The following MACROD1 variants were observed in gnomAD, a reference collection of about 807,000 sequenced individuals.
MACROD1 encodes the protein ADP-ribose glycohydrolase MACROD1.
Under a neutral mutation model 41.4 loss-of-function variants are expected in MACROD1, and 31 were observed. The ratio of observed to expected loss-of-function variants is 0.75; its 90% confidence interval spans 0.56 to 1.01. The LOEUF is 1.01. Among genes scored for constraint, MACROD1 ranks in the 50% least tolerant of loss-of-function variants. The pLI is 0.00. For synonymous variants in MACROD1, 252 were observed against 203.4 expected, an observed-to-expected ratio of 1.24 and a Z score of -2.03; for missense variants, 473 against 460.0, an observed-to-expected ratio of 1.03 and a Z score of -0.26.
chr11:64,047,922 A>T (rs1943615906), intron 3 of MACROD1, among the ~76,000 whole-genome samples: 1 of 148,224 alleles, frequency 6.7e-6, no homozygotes, highest in Non-Finnish European at 1.5e-5. Context: ...AAAAGGAAGG[A>T]AGCAGGAAAG....
intron 3 of MACROD1, among the ~76,000 whole-genome samples, chr11:64,094,258 G>T (rs370033552): frequency 6.6e-6 from 1 of 152,078 alleles, no homozygotes; most frequent in Non-Finnish European, 1.5e-5. Flanking sequence ...GTAAAACCAC[G>T]TCTCTACTAA....
intron 3 of MACROD1, among the ~76,000 whole-genome samples, chr11:64,016,192 G>A (rs1488079685): frequency 6.6e-6 from 1 of 152,190 alleles, no homozygotes; most frequent in Non-Finnish European, 1.5e-5. Context: ...CAGCTGACAC[G>A]GGGGCAAAGT....
chr11:64,012,884 G>T (rs1420739048), intron 4 of MACROD1, among the ~76,000 whole-genome samples: 2 of 152,128 alleles, frequency 1.3e-5, no homozygotes, highest in African/African-American at 4.8e-5. Context: ...CACCCTGGCT[G>T]GAGGGCAGTG....
chr11:64,136,197 C>G (rs1945329991), intron 3 of MACROD1, among the ~76,000 whole-genome samples: 1 of 152,212 alleles, frequency 6.6e-6, no homozygotes, highest in African/African-American at 2.4e-5. Context: ...GGGCTGTCAC[C>G]AAGTTCACTA....
At chr11:64,132,574 G>A (rs942355629) in intron 3 of MACROD1, among the ~76,000 whole-genome samples, 3 of 152,144 alleles carry the variant, frequency 2.0e-5, no homozygotes, top group Non-Finnish European at 4.4e-5. Context: ...CTCGGGGTCT[G>A]GCAGATGGAA....
intron 1 of MACROD1, among the ~76,000 whole-genome samples, chr11:64,160,105 T>C (rs964615806): frequency 2.0e-5 from 3 of 152,220 alleles, no homozygotes; most frequent in Admixed American, 1.3e-4. Context: ...TAGATGGAAA[T>C]ACCGAGCAAA....
At chr11:64,161,577 C>T (rs1287848825) in intron 1 of MACROD1, among the ~76,000 whole-genome samples, 3 of 152,210 alleles carry the variant, frequency 2.0e-5, no homozygotes, top group Non-Finnish European at 4.4e-5. Context: ...ACGGCTCAGA[C>T]CCTAATCAAA....
chr11:64,163,740 T>C (rs545934054), intron 1 of MACROD1, among the ~76,000 whole-genome samples: 1 of 152,366 alleles, frequency 6.6e-6, no homozygotes, highest in South Asian at 2.1e-4. Context: ...CTCAGTTTCC[T>C]GACCCTCAAG....
chr11:64,157,748 T>C (rs925290256), intron 1 of MACROD1, among the ~76,000 whole-genome samples: 1 of 152,100 alleles, frequency 6.6e-6, no homozygotes, highest in Non-Finnish European at 1.5e-5. Context: ...CAAGATGGTG[T>C]TCAGAGAGGT....
intron 3 of MACROD1, among the ~76,000 whole-genome samples, chr11:64,032,211 C>G (rs567187970): frequency 6.6e-6 from 1 of 152,276 alleles, no homozygotes; most frequent in Admixed American, 6.5e-5. Context: ...CAGGGGTGGC[C>G]CAGCTTTAGT....
At chr11:64,047,689 G>A (rs1211567387) in intron 3 of MACROD1, among the ~76,000 whole-genome samples, 1 of 152,088 alleles carries the variant, frequency 6.6e-6, no homozygotes, top group African/African-American at 2.4e-5. Flanking sequence ...CTCAGGTCAG[G>A]AGCTCGAGAC....
intron 3 of MACROD1, among the ~76,000 whole-genome samples, chr11:64,026,588 C>T (rs149252287): frequency 9.2e-5 from 14 of 152,242 alleles, no homozygotes; most frequent in African/African-American, 2.9e-4. Flanking sequence ...TTCAGATGAT[C>T]GTGTTAAAAT....
At chr11:64,035,412 A>G (rs1302764014) in intron 3 of MACROD1, among the ~76,000 whole-genome samples, 4 of 152,010 alleles carry the variant, frequency 2.6e-5, no homozygotes, top group Non-Finnish European at 4.4e-5. Flanking sequence ...TGAATGAATG[A>G]ATGGATGGCT....
chr11:64,080,422 G>T (rs1030605773), intron 3 of MACROD1, among the ~76,000 whole-genome samples: 23 of 152,198 alleles, frequency 1.5e-4, no homozygotes, highest in African/African-American at 5.3e-4. Flanking sequence ...GGGTTTTTTT[G>T]TGTGTATTTA....
At chr11:64,060,097 T>G (rs1429451023) in intron 3 of MACROD1, among the ~76,000 whole-genome samples, 1 of 152,204 alleles carries the variant, frequency 6.6e-6, no homozygotes, top group African/African-American at 2.4e-5. Context: ...AATAAAAAAT[T>G]TAATCAAGTA....
chr11:64,024,031 A>G (rs541481017), intron 3 of MACROD1, among the ~76,000 whole-genome samples: 2 of 152,014 alleles, frequency 1.3e-5, no homozygotes, highest in East Asian at 3.9e-4. Flanking sequence ...CCCTGGCAAC[A>G]TGGAGGTCCC....
chr11:64,007,270 A>G (rs1277240762), intron 4 of MACROD1, among the ~76,000 whole-genome samples: 1 of 152,132 alleles, frequency 6.6e-6, no homozygotes, highest in Non-Finnish European at 1.5e-5. Flanking sequence ...TAGGGACGGG[A>G]CACGCGGCTC....
intron 3 of MACROD1, among the ~76,000 whole-genome samples, chr11:64,130,259 G>C (rs1590950995): frequency 6.6e-6 from 1 of 152,186 alleles, no homozygotes; most frequent in Non-Finnish European, 1.5e-5. Flanking sequence ...CTTAAGTCCC[G>C]GGGCTCCGGC....
chr11:64,078,257 C>T (rs1482547260), intron 3 of MACROD1, among the ~76,000 whole-genome samples: 1 of 152,184 alleles, frequency 6.6e-6, no homozygotes, highest in Non-Finnish European at 1.5e-5. Context: ...GGCAGGTGTG[C>T]TCTCAGCACA....
Sources: gnomAD v4.1 joint callset for allele counts (sites outside exome capture counted in the v4.1 genomes callset) on GRCh38, gnomAD v4.1.1 for gene constraint, MANE v1.5 for transcripts, NCBI Gene and HGNC (gene_info 2026-07-23, HGNC 2026-07-21) for gene names.